Variants in CEP112 observed in about 807,000 individuals in gnomAD.
CEP112 encodes the protein centrosomal protein 112.
A neutral mutation model predicts 153.0 loss-of-function variants in CEP112; 127 were observed. The ratio of observed to expected loss-of-function variants is 0.83; its 90% CI spans 0.72 to 0.96. CEP112 has a LOEUF of 0.96. CEP112 is among the 40% of genes least tolerant of loss of function. The pLI, the probability that CEP112 is intolerant of heterozygous loss-of-function variation, is 0.00. For missense variants in CEP112, 1,089 were observed against 1,101.2 expected (o/e 0.99, Z 0.16); for synonymous variants, 358 against 374.4 (o/e 0.96, Z 0.51).
intron 6 of CEP112, among the ~76,000 whole-genome samples, chr17:66,125,340 T>C (rs2069793185): frequency 6.6e-6 from 1 of 152,134 alleles, no homozygotes; most frequent in African/African-American, 2.4e-5. Context: ...TCAGTTTCTC[T>C]CCCAGACCAT....
At position 65,655,223 on chromosome 17, in the gene CEP112, C is replaced by A. The variant is rs532223650; in HGVS notation, c.2698-14158G>T. On this transcript the variant is annotated intron_variant, in intron 24 of 26. Transcript: ENST00000535342. ...ACTGGCGCTTGTTGCAACCTAAACACTTTTGAAGTCATCCCGGAGAATACG... is the reference window on the plus strand; with the variant it reads ...ACTGGCGCTTGTTGCAACCTAAACAATTTTGAAGTCATCCCGGAGAATACG... 8.2e-6 allele frequency: 7 copies of A among 851,328 alleles called. No individual in the cohort carries two copies. In the African/African-American group the frequency reaches 1.2e-4, roughly 14 times the overall value. 52.7% of individuals were successfully genotyped at this position (851,328 alleles called of 1,614,324 possible). A position where few individuals can be genotyped will look rare whatever the true frequency, so the allele number is the denominator to read the frequency against.
intron 12 of CEP112, among the ~76,000 whole-genome samples, chr17:66,037,075 G>A (rs2065769740): frequency 6.6e-6 from 1 of 152,142 alleles, no homozygotes; most frequent in Admixed American, 6.5e-5. Context: ...CAGGAGAAAT[G>A]AGACTCATGA....
intron 22 of CEP112, among the ~76,000 whole-genome samples, chr17:65,744,809 C>G (rs2051348688): frequency 6.6e-6 from 1 of 152,160 alleles, no homozygotes; most frequent in African/African-American, 2.4e-5. Flanking sequence ...TTGGATGTAT[C>G]CATTTCCTTG....
chr17:65,970,384 T>TGTAA lies in CEP112; in HGVS notation c.1737-8787_1737-8786insTTAC, dbSNP rs1568313669. On this transcript the variant is annotated intron_variant, in intron 17 of 26. Coordinates refer to ENST00000535342, the MANE Select transcript of CEP112 (RefSeq NM_001199165.4). ...CTATATTACATGCACACATCATGCATATATATTACATGCATGCACACATCA... is the reference window on the plus strand; with the variant it reads ...CTATATTACATGCACACATCATGCATGTAAATATATTACATGCATGCACACATCA... 7.3e-3 allele frequency among the ~76,000 whole-genome samples: 449 copies of TGTAA among 61,606 alleles called. 56 individuals are homozygous for TGTAA. Among genetic ancestry groups the TGTAA allele is most frequent in the African/African-American group, 0.018 (420 of 22,982 alleles). 40.4% of individuals were successfully genotyped at this position (61,606 alleles called of 152,430 possible). A position where few individuals can be genotyped will look rare whatever the true frequency, so the allele number is the denominator to read the frequency against.
rs753119796 is a variant in CEP112 at position 65,683,185 on chromosome 17, AAC to A, written c.2697+5942_2697+5943del. On this transcript the variant is annotated intron_variant, in intron 24 of 26. Transcript: ENST00000535342. ...CTCTTTCCCCACCCTGCAACCCCTAAACACACACAATTACCATGGAGACCGTC... is the reference window on the plus strand; with the variant it reads ...CTCTTTCCCCACCCTGCAACCCCTAAACACACAATTACCATGGAGACCGTC... 5.3e-4 allele frequency among the ~76,000 whole-genome samples: 80 copies of A among 152,110 alleles called. 2 individuals carry two copies. The highest frequency in any genetic ancestry group is 3.8e-4 in the Non-Finnish European group (26 of 68,028).
At chr17:65,726,713 A>G (rs981874858) in intron 23 of CEP112, among the ~76,000 whole-genome samples, 4 of 152,242 alleles carry the variant, frequency 2.6e-5, no homozygotes, top group Non-Finnish European at 4.4e-5. Flanking sequence ...AGACATCATC[A>G]AAAGATATAA....
intron 20 of CEP112, among the ~76,000 whole-genome samples, chr17:65,889,598 T>C (rs1443662329): frequency 6.6e-6 from 1 of 152,002 alleles, no homozygotes; most frequent in African/African-American, 2.4e-5. Context: ...CTTCTTCTAA[T>C]TCTCTTTCCC....
intron 19 of CEP112, among the ~76,000 whole-genome samples, chr17:65,906,268 G>A (rs928972384): frequency 5.9e-5 from 9 of 151,380 alleles, no homozygotes; most frequent in Non-Finnish European, 1.3e-4. Context: ...GGCCTGTCGG[G>A]GGGGTAGGGG....
chr17:65,775,767 T>C (rs1354376845), intron 21 of CEP112, among the ~76,000 whole-genome samples: 1 of 152,174 alleles, frequency 6.6e-6, no homozygotes, highest in Admixed American at 6.5e-5. Flanking sequence ...CCTCCCAAAG[T>C]GCTGGGATTA....
At chr17:65,855,807 T>C (rs2058102374) in intron 20 of CEP112, among the ~76,000 whole-genome samples, 1 of 152,206 alleles carries the variant, frequency 6.6e-6, no homozygotes. Flanking sequence ...CTTATGCCTG[T>C]AATCACAGCA....
At chr17:66,045,480 T>G (rs2066166921) in intron 12 of CEP112, among the ~76,000 whole-genome samples, 1 of 152,180 alleles carries the variant, frequency 6.6e-6, no homozygotes, top group African/African-American at 2.4e-5. Context: ...AAGCTTACTA[T>G]GGATACAGAA....
chr17:66,102,729 C>G (rs1413745139), intron 6 of CEP112, among the ~76,000 whole-genome samples: 1 of 143,618 alleles, frequency 7.0e-6, no homozygotes, highest in African/African-American at 2.6e-5. Context: ...ACCTGGGAGG[C>G]AGAGCTTGCA....
In CEP112 at chr17:66,003,769, A is replaced by C. The variant is rs9912219; in HGVS notation, c.1736+1921T>G. 5.3e-3 allele frequency among the ~76,000 whole-genome samples: 809 copies of C among 152,256 alleles called. 10 individuals are homozygous for C. The highest frequency in any genetic ancestry group is 0.019 in the African/African-American group (779 of 41,544). On this transcript the variant is annotated intron_variant, in intron 17 of 26. Transcript: ENST00000535342. Reference sequence around the variant, plus strand: ...CCACCTTCTGTCAGATTAGATTCTCACAGGAGCGTGAACCCTATTGTGAAC... The same window carrying C: ...CCACCTTCTGTCAGATTAGATTCTCCCAGGAGCGTGAACCCTATTGTGAAC...
chr17:66,184,909 G>A (rs1006146986), intron 1 of CEP112, among the ~76,000 whole-genome samples: 1 of 152,096 alleles, frequency 6.6e-6, no homozygotes, highest in African/African-American at 2.4e-5. Flanking sequence ...GCAACAGAAA[G>A]GAATGAACTG....
chr17:65,825,583 A>C (rs2056798655), intron 21 of CEP112, among the ~76,000 whole-genome samples: 1 of 152,196 alleles, frequency 6.6e-6, no homozygotes, highest in African/African-American at 2.4e-5. Flanking sequence ...GTTTAGTTTT[A>C]CAAAATAAAA....
rs73348420 is a variant in CEP112 at position 66,060,462 on chromosome 17, G to A, written c.1074+2501C>T. On this transcript the variant is annotated intron_variant, in intron 11 of 26. Transcript: ENST00000535342. ...GAGTAGCCAAAGCAATCTTAAGCAT[G>A]AAGAACAAAGGTGGAGGCATCACAG... 8.3e-3 allele frequency among the ~76,000 whole-genome samples: 1,265 copies of A among 152,190 alleles called. 22 individuals carry two copies. The highest frequency in any genetic ancestry group is 0.029 in the African/African-American group (1,205 of 41,536).
intron 4 of CEP112, among the ~76,000 whole-genome samples, chr17:66,149,884 G>GTTTTTT (rs1242689416): frequency 0.029 from 1,334 of 46,674 alleles, 143 homozygotes; most frequent in Middle Eastern, 0.059. Context: ...TTTTTTGTTT[G>GTTTTTT]TTTGTTTTTT....
In CEP112 at chr17:65,843,852, T is replaced by G. The variant is rs116354630; in HGVS notation, c.2394+7952A>C. Among the ~76,000 whole-genome samples the G allele has an allele frequency of 2.4e-3, 367 of 152,314 alleles. 1 individual carries two copies. Among genetic ancestry groups the G allele is most frequent in the African/African-American group, 8.4e-3 (349 of 41,582 alleles). The stretch of plus-strand genomic sequence containing the variant: ...ATCAAAACATGAAGCTGAAAACAAC[T>G]ATTTATAGTGGAGAATTTACAAAGG... On this transcript the variant is annotated intron_variant, in intron 21 of 26. Transcript: ENST00000535342.
chr17:65,818,378 A>G (rs2056377336), intron 21 of CEP112, among the ~76,000 whole-genome samples: 1 of 151,876 alleles, frequency 6.6e-6, no homozygotes, highest in South Asian at 2.1e-4. Flanking sequence ...AATCTTCAAT[A>G]TTTTTAGCTC....
Sources: gnomAD v4.1 joint callset for allele counts (sites outside exome capture counted in the v4.1 genomes callset) on GRCh38, gnomAD v4.1.1 for gene constraint, MANE v1.5 for transcripts, NCBI Gene and HGNC (gene_info 2026-07-23, HGNC 2026-07-21) for gene names.